The following CHL1 variants were observed in gnomAD, a reference collection of about 807,000 sequenced individuals.
CHL1 encodes cell adhesion molecule L1 like.
CHL1 carries 96 observed loss-of-function variants against 141.9 expected under a neutral mutation model. The observed-to-expected ratio is 0.68, with a 90% CI of 0.57 to 0.80. The LOEUF (loss-of-function observed/expected upper bound fraction) is 0.80. Ranked by LOEUF, CHL1 falls within the 30% of genes least tolerant of loss-of-function variation. The pLI is 0.00. For missense variants in CHL1, 1,820 were observed against 1,457.2 expected (o/e 1.25, Z -4.05); for synonymous variants, 613 against 502.2 (o/e 1.22, Z -2.95).
chr3:391,411 G>A (rs1185508019), intron 22 of CHL1, among the ~76,000 whole-genome samples: 1 of 152,164 alleles, frequency 6.6e-6, no homozygotes, highest in Non-Finnish European at 1.5e-5. Flanking sequence ...AGCTACTCGG[G>A]AGGCTGAGGC....
chr3:345,441 C>T (rs1702683757), intron 9 of CHL1, among the ~76,000 whole-genome samples: 1 of 115,162 alleles, frequency 8.7e-6, no homozygotes, highest in African/African-American at 3.6e-5. Context: ...AAAAGCAATC[C>T]ATTTATTTAT....
At chr3:203,870 A>G (rs954633202) in intron 1 of CHL1, among the ~76,000 whole-genome samples, 2 of 152,212 alleles carry the variant, frequency 1.3e-5, no homozygotes, top group African/African-American at 4.8e-5. Flanking sequence ...CAGAAAAGGG[A>G]TCTGAATCTG....
intron 15 of CHL1, among the ~76,000 whole-genome samples, 174 bp downstream of exon 15, chr3:366,289 G>T (rs1326804321): frequency 6.6e-6 from 1 of 151,926 alleles, no homozygotes; most frequent in East Asian, 1.9e-4. Flanking sequence ...TGACCAACAC[G>T]GTGAAACCCC....
chr3:367,678 C>G (rs530758610), intron 15 of CHL1, among the ~76,000 whole-genome samples: 1 of 151,822 alleles, frequency 6.6e-6, no homozygotes. Flanking sequence ...TTCTTTACAT[C>G]TTCATTAAAA....
intron 1 of CHL1, among the ~76,000 whole-genome samples, chr3:225,980 G>T (rs1208895038): frequency 6.6e-6 from 1 of 151,466 alleles, no homozygotes; most frequent in Non-Finnish European, 1.5e-5. Context: ...GTGCACTTCA[G>T]CCCGGGAGAC....
Position 344,640 on chromosome 3 carries a change from G to A in CHL1, c.779G>A (p.Ser260Asn), listed in dbSNP as rs1024564891. Residue 260 changes from serine (S) to asparagine (N), a missense_variant, in exon 9 of 28, where the codon AGT (serine) becomes AAT (asparagine). By Grantham distance (46) the Ser-to-Asn change is conservative (BLOSUM62 1). Transcript: ENST00000256509. ...KPKLLLPPTESGSESSITILK... is the reference protein window; with the variant it reads ...KPKLLLPPTENGSESSITILK... ...AAACTGCTGTTGCCTCCCACTGAGA[G>A]TGGCAGTGAGTCTTCAATTACCATC... The A allele has an allele frequency of 6.2e-7, 1 of 1,613,210 alleles. No individual in the cohort carries two copies. Among genetic ancestry groups the A allele is most frequent in the African/African-American group, 1.3e-5 (1 of 74,872 alleles).
chr3:279,637 T>A (rs1353689972), intron 2 of CHL1, among the ~76,000 whole-genome samples: 1 of 152,184 alleles, frequency 6.6e-6, no homozygotes, highest in Non-Finnish European at 1.5e-5. Context: ...ACATTAGTCC[T>A]TGTTCTATGG....
intron 1 of CHL1, among the ~76,000 whole-genome samples, chr3:243,296 C>T (rs146031902): frequency 2.5e-4 from 38 of 152,230 alleles, no homozygotes; most frequent in African/African-American, 8.2e-4. Flanking sequence ...CTGTACTCTT[C>T]TACTTAGGTA....
intron 9 of CHL1, among the ~76,000 whole-genome samples, chr3:346,876 C>G (rs900229323): frequency 5.9e-5 from 9 of 152,080 alleles, no homozygotes; most frequent in Admixed American, 5.9e-4. Flanking sequence ...TATTTTGTGT[C>G]AAGCACTATA....
At chr3:287,016 A>G (rs1697217794) in intron 2 of CHL1, among the ~76,000 whole-genome samples, 1 of 152,076 alleles carries the variant, frequency 6.6e-6, no homozygotes, top group South Asian at 2.1e-4. Flanking sequence ...TATGACCTGT[A>G]TCTTGTGCCA....
At position 405,930 on chromosome 3, in the gene CHL1, C is replaced by T; in HGVS notation, c.*219C>T. ...GTTTTGCTTATATTGTTTTCAGGTG[C>T]TCAAAATGCAAAACACAAAACAAAT... On this transcript the variant is annotated 3_prime_UTR_variant, in exon 28 of 28. Transcript: ENST00000256509. 2.2e-6 allele frequency: 1 copy of T among 457,544 alleles called. No homozygotes were observed. The highest frequency in any genetic ancestry group is 3.8e-5 in the East Asian group (1 of 26,464). 28.3% of individuals were successfully genotyped at this position (457,544 alleles called of 1,614,324 possible).
At chr3:289,494 A>T (rs192050764) in intron 2 of CHL1, among the ~76,000 whole-genome samples, 3 of 152,160 alleles carry the variant, frequency 2.0e-5, no homozygotes, top group Non-Finnish European at 1.5e-5. Flanking sequence ...ATCTCTCATT[A>T]TTCATGGTAG....
At chr3:305,148 G>C (rs1296023773) in intron 2 of CHL1, among the ~76,000 whole-genome samples, 1 of 152,080 alleles carries the variant, frequency 6.6e-6, no homozygotes, top group Non-Finnish European at 1.5e-5. Context: ...ATGACAGTTT[G>C]ATTTCTTTCA....
chr3:390,334 A>G (rs1358218957), intron 20 of CHL1, among the ~76,000 whole-genome samples: 1 of 152,232 alleles, frequency 6.6e-6, no homozygotes, highest in East Asian at 1.9e-4. Context: ...CACATAGCAT[A>G]TGCTCAAATG....
At chr3:295,161 C>G (rs1698076529) in intron 2 of CHL1, among the ~76,000 whole-genome samples, 2 of 152,126 alleles carry the variant, frequency 1.3e-5, no homozygotes, top group African/African-American at 4.8e-5. Flanking sequence ...TCCCAATCCC[C>G]CTCCCAAAAA....
rs1701016141 is a variant in CHL1, at chr3:326,381, A to T, written c.197+317A>T. Among the ~76,000 whole-genome samples, 3 of 152,022 alleles carry T rather than the reference A, an allele frequency of 2.0e-5. No individual in the cohort carries two copies. In the East Asian group the frequency reaches 5.8e-4, roughly 29 times the overall value. ...GTAGCTGAAAACTAGAAGATCCTTT[A>T]TTCTACTTAGTAAAATGTAGCATTT... On this transcript the variant is annotated intron_variant, in intron 4 of 27. Coordinates refer to ENST00000256509, the MANE Select transcript of CHL1 (RefSeq NM_006614.4).
intron 2 of CHL1, among the ~76,000 whole-genome samples, chr3:276,627 C>T (rs938266677): frequency 2.6e-5 from 4 of 151,674 alleles, no homozygotes; most frequent in South Asian, 2.1e-4. Context: ...CGGTGGCTCA[C>T]ACCTGTAATC....
intron 11 of CHL1, among the ~76,000 whole-genome samples, chr3:359,032 C>CTA (rs934399956): frequency 2.7e-5 from 4 of 146,266 alleles, no homozygotes; most frequent in Non-Finnish European, 3.0e-5. Flanking sequence ...ATATTTATAT[C>CTA]TATATATATA....
At chr3:201,893 A>G (rs1280069421) in intron 1 of CHL1, among the ~76,000 whole-genome samples, 1 of 152,204 alleles carries the variant, frequency 6.6e-6, no homozygotes, top group East Asian at 1.9e-4. Flanking sequence ...CCATTTTCCT[A>G]TACAACCTAT....
Sources: gnomAD v4.1 joint callset for allele counts (sites outside exome capture counted in the v4.1 genomes callset) on GRCh38, gnomAD v4.1.1 for gene constraint, MANE v1.5 for transcripts, NCBI Gene and HGNC (gene_info 2026-07-23, HGNC 2026-07-21) for gene names.